Variants in MAGI2 observed in about 807,000 individuals in gnomAD.
MAGI2 encodes membrane associated guanylate kinase, WW and PDZ domain containing 2.
MAGI2 carries 35 observed loss-of-function variants against 133.3 expected under a neutral mutation model. The ratio of observed to expected loss-of-function variants is 0.26; its 90% confidence interval spans 0.20 to 0.35. MAGI2 has a LOEUF of 0.35. MAGI2 is among the 10% of genes least tolerant of loss of function. MAGI2 has a pLI of 1.00. For missense variants in MAGI2, 1,636 were observed against 1,863.4 expected (o/e 0.88, Z 2.25); for synonymous variants, 729 against 710.6 (o/e 1.03, Z -0.41).
chr7:78,715,742 T>C (rs1283573477), intron 2 of MAGI2, among the ~76,000 whole-genome samples: 2 of 145,322 alleles, frequency 1.4e-5, no homozygotes, highest in Non-Finnish European at 3.1e-5. Context: ...TAAGAACATA[T>C]TGTTTTAGAT....
intron 6 of MAGI2, among the ~76,000 whole-genome samples, chr7:78,416,250 G>C (rs2191330): frequency 6.6e-6 from 1 of 151,878 alleles, no homozygotes; most frequent in Non-Finnish European, 1.5e-5. Context: ...TATGATGAGA[G>C]GCAGGTGCCA....
At chr7:78,932,258 A>G (rs1800189112) in intron 2 of MAGI2, among the ~76,000 whole-genome samples, 1 of 152,060 alleles carries the variant, frequency 6.6e-6, no homozygotes, top group South Asian at 2.1e-4. Flanking sequence ...TGTGGTGTAA[A>G]GATATTGTTG....
At chr7:78,518,749 CT>C (rs1159371703) in intron 4 of MAGI2, 1 of 151,922 alleles carries the variant, frequency 6.6e-6, no homozygotes, top group Non-Finnish European at 1.5e-5. Context: ...TTTTGTTTGT[CT>C]TAGACGAGGT....
intron 2 of MAGI2, among the ~76,000 whole-genome samples, chr7:78,929,347 A>G (rs1357027170): frequency 4.6e-5 from 7 of 152,104 alleles, no homozygotes; most frequent in Non-Finnish European, 1.0e-4. Context: ...TCTTATCTCA[A>G]CTTACTATAA....
chr7:78,543,191 A>T (rs1194796449), intron 3 of MAGI2, among the ~76,000 whole-genome samples: 2 of 152,226 alleles, frequency 1.3e-5, no homozygotes. Flanking sequence ...CCAGCAGCTA[A>T]AGAATGATAT....
chr7:79,438,874 T>A (rs1193176110), intron 1 of MAGI2, among the ~76,000 whole-genome samples: 1 of 152,230 alleles, frequency 6.6e-6, no homozygotes, highest in South Asian at 2.1e-4. Flanking sequence ...GAAAACCACT[T>A]TATGTTTCTC....
intron 3 of MAGI2, among the ~76,000 whole-genome samples, chr7:78,555,985 A>T (rs1039829532): frequency 1.3e-5 from 2 of 152,222 alleles, no homozygotes; most frequent in African/African-American, 4.8e-5. Context: ...TAAAGCTATT[A>T]CCATGTTTAA....
At chr7:78,637,820 G>A (rs889281924) in intron 2 of MAGI2, among the ~76,000 whole-genome samples, 1 of 152,188 alleles carries the variant, frequency 6.6e-6, no homozygotes, top group African/African-American at 2.4e-5. Context: ...CTTGAACTCA[G>A]CCAGGTGTGG....
intron 7 of MAGI2, among the ~76,000 whole-genome samples, chr7:78,354,141 T>C (rs1245625752): frequency 6.6e-6 from 1 of 152,156 alleles, no homozygotes; most frequent in Non-Finnish European, 1.5e-5. Flanking sequence ...GGGTATGAGG[T>C]TGAATTAGAG....
At chr7:79,387,012 C>CAT (rs3050631) in intron 1 of MAGI2, among the ~76,000 whole-genome samples, 75,929 of 151,194 alleles carry the variant, frequency 0.5, 20,476 homozygotes, top group African/African-American at 0.71. Context: ...CACACACACA[C>CAT]GTTATATATA....
At chr7:79,338,593 G>T (rs1840663266) in intron 1 of MAGI2, among the ~76,000 whole-genome samples, 1 of 152,078 alleles carries the variant, frequency 6.6e-6, no homozygotes, top group African/African-American at 2.4e-5. Flanking sequence ...AGCTTCTGGG[G>T]GTTCTGTGAG....
chr7:78,996,189 G>A (rs2116394152), intron 2 of MAGI2, among the ~76,000 whole-genome samples: 1 of 152,176 alleles, frequency 6.6e-6, no homozygotes, highest in South Asian at 2.1e-4. Context: ...CTATAAATAT[G>A]CATATATCTT....
chr7:78,422,529 C>T (rs1021743529), intron 6 of MAGI2, among the ~76,000 whole-genome samples: 2 of 151,034 alleles, frequency 1.3e-5, no homozygotes, highest in Non-Finnish European at 2.9e-5. Context: ...TTTTCTCTCT[C>T]CTTAGGATAA....
At chr7:78,829,607 T>G (rs1166055863) in intron 2 of MAGI2, among the ~76,000 whole-genome samples, 1 of 152,050 alleles carries the variant, frequency 6.6e-6, no homozygotes, top group African/African-American at 2.4e-5. Flanking sequence ...GATAACTCAG[T>G]ACAAATATTT....
At chr7:78,391,976 T>A (rs1403564361) in intron 6 of MAGI2, among the ~76,000 whole-genome samples, 1 of 152,182 alleles carries the variant, frequency 6.6e-6, no homozygotes, top group African/African-American at 2.4e-5. Context: ...GATCTTCAAT[T>A]CCTTGTAAGC....
At chr7:78,723,815 C>A (rs1245157590) in intron 2 of MAGI2, among the ~76,000 whole-genome samples, 1 of 152,010 alleles carries the variant, frequency 6.6e-6, no homozygotes, top group Non-Finnish European at 1.5e-5. Flanking sequence ...AAGCTTAATT[C>A]AAAGTATAGG....
intron 3 of MAGI2, among the ~76,000 whole-genome samples, chr7:78,573,247 A>ATATATATATAT (rs1801794540): frequency 3.3e-4 from 15 of 44,834 alleles, no homozygotes; most frequent in Non-Finnish European, 5.2e-4. Flanking sequence ...TATATATATA[A>ATATATATATAT]ATATATATAA....
intron 2 of MAGI2, among the ~76,000 whole-genome samples, chr7:78,756,171 C>A (rs1232467088): frequency 6.6e-6 from 1 of 152,176 alleles, no homozygotes; most frequent in Non-Finnish European, 1.5e-5. Flanking sequence ...CAGAGCTCAA[C>A]TACCCCTGAA....
intron 10 of MAGI2, among the ~76,000 whole-genome samples, chr7:78,220,419 G>A (rs1788698522): frequency 6.6e-6 from 1 of 152,098 alleles, no homozygotes; most frequent in Non-Finnish European, 1.5e-5. Flanking sequence ...TGTGCCTTGG[G>A]CTAAGTAGAT....
Sources: allele counts gnomAD v4.1 joint callset (sites outside exome capture counted in the v4.1 genomes callset), GRCh38; gene constraint gnomAD v4.1.1; transcripts MANE v1.5; gene names NCBI Gene and HGNC (gene_info 2026-07-23, HGNC 2026-07-21).